CADM2: variants seen among roughly 807,000 people sequenced by gnomAD.
The protein encoded by CADM2 is immunoglobulin superfamily member 4D.
CADM2 carries 12 observed loss-of-function variants against 49.8 expected under a neutral mutation model. That is an observed-to-expected ratio of 0.24 (90% CI 0.15 to 0.39). The LOEUF is 0.39. Among genes scored for constraint, CADM2 ranks in the 10% least tolerant of loss-of-function variants. The pLI, the probability that CADM2 is intolerant of heterozygous loss-of-function variation, is 1.00. For missense variants in CADM2, 378 were observed against 492.3 expected (o/e 0.77, Z 2.20); for synonymous variants, 214 against 175.4 (o/e 1.22, Z -1.74).
At chr3:85,494,622 G>A (rs890419189) in intron 1 of CADM2, among the ~76,000 whole-genome samples, 2 of 152,072 alleles carry the variant, frequency 1.3e-5, no homozygotes, top group African/African-American at 2.4e-5. Context: ...ATTAGACATG[G>A]CTGTATTACA....
rs1169920721 is a variant in CADM2, at chr3:85,239,162, CA to C, written c.61+279496del. Reference sequence around the variant, plus strand: ...ATTTAAAACTACTCAATGTTAGACACAAGCATGGAGGAGGAATTTTTTTTCT... The same window carrying C: ...ATTTAAAACTACTCAATGTTAGACACAGCATGGAGGAGGAATTTTTTTTCT... On this transcript the variant is annotated intron_variant, in intron 1 of 9. Transcript: ENST00000383699. Among the ~76,000 whole-genome samples, 96 of 151,736 alleles carry C rather than the reference CA, an allele frequency of 6.3e-4. 1 individual carries two copies. The highest frequency in any genetic ancestry group is 3.0e-5 in the Non-Finnish European group (2 of 67,786).
intron 1 of CADM2, among the ~76,000 whole-genome samples, chr3:85,648,088 T>G (rs1203310110): frequency 6.6e-6 from 1 of 151,916 alleles, no homozygotes; most frequent in Non-Finnish European, 1.5e-5. Flanking sequence ...TTAATACAGA[T>G]TTTTGCCCAT....
At chr3:84,991,147 G>C (rs2032861740) in intron 1 of CADM2, among the ~76,000 whole-genome samples, 2 of 152,008 alleles carry the variant, frequency 1.3e-5, no homozygotes, top group Non-Finnish European at 2.9e-5. Flanking sequence ...TCTTCTCATG[G>C]CCTGCAAGGA....
intron 8 of CADM2, among the ~76,000 whole-genome samples, chr3:86,061,636 CATA>C (rs1366849011): frequency 1.3e-5 from 2 of 151,992 alleles, no homozygotes; most frequent in Non-Finnish European, 2.9e-5. Context: ...CGTGTCATAA[CATA>C]ATAATTTAAT....
chr3:85,998,386 C>T (rs2108731259), intron 8 of CADM2, among the ~76,000 whole-genome samples: 1 of 151,984 alleles, frequency 6.6e-6, no homozygotes, highest in East Asian at 1.9e-4. Context: ...TTCCTTGATC[C>T]TTAAATATGA....
At chr3:85,748,932 A>G (rs2068744250) in intron 2 of CADM2, among the ~76,000 whole-genome samples, 3 of 151,934 alleles carry the variant, frequency 2.0e-5, no homozygotes, top group Admixed American at 2.0e-4. Flanking sequence ...ATGAGATAAT[A>G]ATAACTTTTG....
chr3:85,625,424 G>A (rs1208769912), intron 1 of CADM2, among the ~76,000 whole-genome samples: 1 of 151,954 alleles, frequency 6.6e-6, no homozygotes, highest in Non-Finnish European at 1.5e-5. Context: ...AAGGATGCAT[G>A]CTATTAGGTA....
chr3:85,180,040 T>A (rs2040887437), intron 1 of CADM2, among the ~76,000 whole-genome samples: 1 of 152,096 alleles, frequency 6.6e-6, no homozygotes, highest in African/African-American at 2.4e-5. Context: ...ACATAAGAAA[T>A]TATTTATTGA....
chr3:85,619,292 T>C (rs975492297), intron 1 of CADM2, among the ~76,000 whole-genome samples: 8 of 151,650 alleles, frequency 5.3e-5, no homozygotes, highest in African/African-American at 1.9e-4. Context: ...TGATATTTTT[T>C]CACTGGAAAC....
At chr3:85,220,327 G>A (rs2042017530) in intron 1 of CADM2, among the ~76,000 whole-genome samples, 2 of 152,160 alleles carry the variant, frequency 1.3e-5, no homozygotes, top group African/African-American at 4.8e-5. Context: ...AATTTTTGGG[G>A]AAAATTTGGT....
chr3:85,075,546 C>T (rs11127876), intron 1 of CADM2, among the ~76,000 whole-genome samples: 67,528 of 151,820 alleles, frequency 0.44, 17,573 homozygotes, highest in Non-Finnish European at 0.6. Flanking sequence ...GGAGGGGTAT[C>T]GTCAACTATT....
At chr3:85,211,150 A>G (rs1177027712) in intron 1 of CADM2, among the ~76,000 whole-genome samples, 1 of 152,084 alleles carries the variant, frequency 6.6e-6, no homozygotes, top group African/African-American at 2.4e-5. Context: ...ATTTTCATTT[A>G]TAATTCTATT....
At chr3:85,314,820 A>C (rs1166451687) in intron 1 of CADM2, among the ~76,000 whole-genome samples, 1 of 152,228 alleles carries the variant, frequency 6.6e-6, no homozygotes, top group Non-Finnish European at 1.5e-5. Context: ...AAAACAAAGT[A>C]GATAAATAAA....
intron 8 of CADM2, among the ~76,000 whole-genome samples, chr3:85,987,908 A>G (rs1023989618): frequency 1.8e-4 from 27 of 152,104 alleles, no homozygotes; most frequent in African/African-American, 4.8e-4. Context: ...TAACCAGTGA[A>G]TTAAATTTAC....
chr3:85,978,484 A>C (rs576767373), intron 8 of CADM2, among the ~76,000 whole-genome samples: 1 of 151,464 alleles, frequency 6.6e-6, no homozygotes, highest in Non-Finnish European at 1.5e-5. Flanking sequence ...ATGCTAGTTG[A>C]CTCAATACTT....
chr3:85,511,761 G>T (rs1270975005), intron 1 of CADM2: 3 of 348,502 alleles, frequency 8.6e-6, no homozygotes, highest in South Asian at 1.2e-4. Flanking sequence ...AATGAGAATT[G>T]TGACTGTAAT....
chr3:85,366,868 A>G (rs1179436946), intron 1 of CADM2, among the ~76,000 whole-genome samples: 1 of 152,048 alleles, frequency 6.6e-6, no homozygotes, highest in Non-Finnish European at 1.5e-5. Context: ...AGCATATATA[A>G]TGATAGAGGT....
At chr3:85,586,399 CA>C (rs1321063060) in intron 1 of CADM2, among the ~76,000 whole-genome samples, 2 of 151,968 alleles carry the variant, frequency 1.3e-5, no homozygotes, top group African/African-American at 4.8e-5. Flanking sequence ...ATTTTCTTTG[CA>C]AACTCTAACG....
intron 1 of CADM2, among the ~76,000 whole-genome samples, chr3:85,205,339 C>T (rs1226073660): frequency 6.6e-6 from 1 of 152,086 alleles, no homozygotes; most frequent in Non-Finnish European, 1.5e-5. Context: ...CTATTTTAAA[C>T]ATACTGTTTG....
Sources: allele counts gnomAD v4.1 joint callset (sites outside exome capture counted in the v4.1 genomes callset), GRCh38; gene constraint gnomAD v4.1.1; transcripts MANE v1.5; gene names NCBI Gene and HGNC (gene_info 2026-07-23, HGNC 2026-07-21).